Variants in NR3C2 observed in about 807,000 individuals in gnomAD.
NR3C2 encodes the protein nuclear receptor subfamily 3 group C member 2.
Under a neutral mutation model 86.4 loss-of-function variants are expected in NR3C2, and 15 were observed. The observed-to-expected ratio is 0.17, with a 90% confidence interval of 0.12 to 0.27. NR3C2 has a LOEUF of 0.27. Ranked by LOEUF, NR3C2 falls within the 10% of genes least tolerant of loss-of-function variation. The pLI is 1.00. For synonymous variants in NR3C2, 458 were observed against 450.5 expected, an observed-to-expected ratio of 1.02 and a Z score of -0.21; for missense variants, 960 against 1,195.6, an observed-to-expected ratio of 0.80 and a Z score of 2.91.
chr4:148,402,574 T>G (rs1239404401), intron 2 of NR3C2, among the ~76,000 whole-genome samples: 6 of 152,354 alleles, frequency 3.9e-5, no homozygotes. Flanking sequence ...AATTGCTAAA[T>G]TCACAGTTAG....
In NR3C2 at chr4:148,154,804, T is replaced by G; in HGVS notation, c.2112A>C (p.Pro704=). ...PPPPPPPPQS[P]EEGTTYIAPA... is the part of the protein sequence containing the mutation. ...GAGCGATGTACGTTGTCCCTTCCTC[T>G]GGGCTTTGCGGGGGTGGGGGTGGGG... The change falls in exon 5 of 9, where the codon CCA becomes CCC. Residue 704 remains proline, a synonymous_variant. Transcript: ENST00000358102. 1 of 637,396 alleles carries G rather than the reference T, an allele frequency of 1.6e-6. No individual in the cohort carries two copies. The highest frequency in any genetic ancestry group is 2.5e-6 in the Non-Finnish European group (1 of 395,150). The allele number at this position is 637,396 out of a possible 1,614,324, so 39.5% of individuals were successfully genotyped here.
intron 2 of NR3C2, among the ~76,000 whole-genome samples, chr4:148,374,303 T>C (rs1746567161): frequency 6.6e-6 from 1 of 152,216 alleles, no homozygotes; most frequent in Non-Finnish European, 1.5e-5. Context: ...TATTCATAAA[T>C]TCCAGTCTCT....
intron 2 of NR3C2, among the ~76,000 whole-genome samples, chr4:148,362,449 T>TA (rs1745885389): frequency 6.6e-6 from 1 of 152,196 alleles, no homozygotes; most frequent in Non-Finnish European, 1.5e-5. Flanking sequence ...TTTGTCAATT[T>TA]AAAAACTTTA....
intron 2 of NR3C2, among the ~76,000 whole-genome samples, chr4:148,398,131 A>G (rs1391813265): frequency 6.6e-6 from 1 of 152,212 alleles, no homozygotes. Flanking sequence ...TTTAGAGCCC[A>G]TTCTAAATTC....
At chr4:148,234,124 A>G (rs919952531) in intron 3 of NR3C2, among the ~76,000 whole-genome samples, 19 of 152,322 alleles carry the variant, frequency 1.2e-4, no homozygotes, top group African/African-American at 3.8e-4. Flanking sequence ...GCAATCTCCC[A>G]AAAGTAATTT....
intron 3 of NR3C2, among the ~76,000 whole-genome samples, chr4:148,222,656 A>C (rs1359327803): frequency 8.5e-5 from 13 of 152,224 alleles, no homozygotes; most frequent in Non-Finnish European, 1.6e-4. Context: ...TACAATTTAA[A>C]ATGCGGGTTA....
chr4:148,163,497 T>G (rs190535412), intron 4 of NR3C2, among the ~76,000 whole-genome samples: 70 of 152,302 alleles, frequency 4.6e-4, no homozygotes, highest in African/African-American at 1.6e-3. Context: ...AAGGGCAGAC[T>G]GTGATCTCAG....
intron 2 of NR3C2, among the ~76,000 whole-genome samples, chr4:148,290,054 G>A (rs1391618137): frequency 6.6e-6 from 1 of 152,136 alleles, no homozygotes; most frequent in Admixed American, 6.6e-5. Context: ...AGGCTGGGTG[G>A]TTAAATCAAC....
intron 2 of NR3C2, among the ~76,000 whole-genome samples, chr4:148,303,945 C>A (rs901662538): frequency 5.9e-5 from 9 of 152,178 alleles, no homozygotes; most frequent in African/African-American, 1.7e-4. Flanking sequence ...GGGCAGCAGC[C>A]CGTCATGGTC....
intron 2 of NR3C2, among the ~76,000 whole-genome samples, chr4:148,366,711 C>T (rs1186202827): frequency 6.6e-6 from 1 of 151,924 alleles, no homozygotes; most frequent in Admixed American, 6.6e-5. Flanking sequence ...TTTCTCTTTC[C>T]CCACATACTT....
intron 2 of NR3C2, among the ~76,000 whole-genome samples, chr4:148,308,871 T>A (rs1742768613): frequency 6.6e-6 from 1 of 152,062 alleles, no homozygotes; most frequent in African/African-American, 2.4e-5. Flanking sequence ...TGGTCCCAGC[T>A]ACTTGGGAGG....
At chr4:148,437,277 G>A (rs755505255) in intron 1 of NR3C2, among the ~76,000 whole-genome samples, 45 of 152,158 alleles carry the variant, frequency 3.0e-4, no homozygotes, top group Non-Finnish European at 5.4e-4. Context: ...ACAAAGTTGG[G>A]TTTAAATCTA....
intron 2 of NR3C2, among the ~76,000 whole-genome samples, chr4:148,377,221 C>A (rs549426063): frequency 6.6e-6 from 1 of 152,176 alleles, no homozygotes; most frequent in African/African-American, 2.4e-5. Flanking sequence ...TGATTTGGGG[C>A]AGGAAGAAGA....
Position 148,306,056 on chromosome 4 carries a change from C to A in NR3C2, c.1758-45939G>T, listed in dbSNP as rs575330200. Reference sequence around the variant, plus strand: ...ATAGCCATCTGGCCAACAATATGTGCCATACCACTGCCTTATATTTGTTTG... The same window carrying A: ...ATAGCCATCTGGCCAACAATATGTGACATACCACTGCCTTATATTTGTTTG... On this transcript the variant is annotated intron_variant, in intron 2 of 8. Coordinates refer to ENST00000358102, the MANE Select transcript of NR3C2 (RefSeq NM_000901.5). Among the ~76,000 whole-genome samples the A allele has an allele frequency of 3.9e-5, 6 of 152,300 alleles. No individual in the cohort carries two copies. The South Asian group carries it at 1.2e-3, about 32-fold the overall frequency.
At chr4:148,315,296 T>C (rs1425307065) in intron 2 of NR3C2, among the ~76,000 whole-genome samples, 1 of 152,222 alleles carries the variant, frequency 6.6e-6, no homozygotes, top group Non-Finnish European at 1.5e-5. Context: ...GCTGTCACTG[T>C]GCCTGTACAC....
chr4:148,295,909 G>A (rs190178622), intron 2 of NR3C2, among the ~76,000 whole-genome samples: 4 of 152,002 alleles, frequency 2.6e-5, no homozygotes, highest in Admixed American at 6.5e-5. Flanking sequence ...CCCAATAGGA[G>A]CTCTAATAAT....
chr4:148,427,006 A>C (rs1365269242), intron 2 of NR3C2, among the ~76,000 whole-genome samples: 1 of 151,786 alleles, frequency 6.6e-6, no homozygotes, highest in Non-Finnish European at 1.5e-5. Flanking sequence ...CCCAGGCTGA[A>C]GTGTAGTACA....
chr4:148,348,525 A>G, intron 2 of NR3C2, among the ~76,000 whole-genome samples: 1 of 152,104 alleles, frequency 6.6e-6, no homozygotes, highest in East Asian at 1.9e-4. Flanking sequence ...TATTTTTACC[A>G]TCCAAAGAGA....
intron 2 of NR3C2, among the ~76,000 whole-genome samples, chr4:148,266,880 A>G (rs1025951495): frequency 6.6e-6 from 1 of 152,234 alleles, no homozygotes; most frequent in African/African-American, 2.4e-5. Context: ...TTTTTAAAGT[A>G]GACAGTATCA....
Sources: allele counts gnomAD v4.1 joint callset (sites outside exome capture counted in the v4.1 genomes callset), GRCh38; gene constraint gnomAD v4.1.1; transcripts MANE v1.5; gene names NCBI Gene and HGNC (gene_info 2026-07-23, HGNC 2026-07-21).